PHYH: variants seen among roughly 807,000 people sequenced by gnomAD.
The protein encoded by PHYH is phytanoyl-CoA dioxygenase, peroxisomal.
Under a neutral mutation model 38.5 loss-of-function variants are expected in PHYH, and 32 were observed. The observed-to-expected ratio is 0.83, with a 90% CI of 0.63 to 1.12. The LOEUF is 1.12. PHYH is among the 50% of genes most tolerant of loss of function. The probability of loss-of-function intolerance (pLI) is 0.00; values close to 1 mark genes in which losing one functional copy is unlikely to be tolerated. For synonymous variants in PHYH, 166 were observed against 157.9 expected, an observed-to-expected ratio of 1.05 and a Z score of -0.38; for missense variants, 426 against 434.8, an observed-to-expected ratio of 0.98 and a Z score of 0.18.
rs10612459 is a variant in PHYH, at chr10:13,295,831, C to CA, written c.135-226dup. Among the ~76,000 whole-genome samples, 580 of 135,902 alleles carry CA rather than the reference C, an allele frequency of 4.3e-3. 3 individuals are homozygous for CA. The highest frequency in any genetic ancestry group is 0.012 in the African/African-American group (422 of 34,962). 89.2% of individuals were successfully genotyped at this position (135,902 alleles called of 152,430 possible). A position where few individuals can be genotyped will look rare whatever the true frequency, so the allele number is the denominator to read the frequency against. ...TGGGCGACAGAGTGAGACCCTGTCT[C>CA]AAAAAAAAAAAAAAAATTTAAATTA... is the stretch of plus-strand genomic sequence containing the variant. On this transcript the variant is annotated intron_variant, in intron 2 of 8. Coordinates refer to ENST00000263038, the MANE Select transcript of PHYH (RefSeq NM_006214.4).
chr10:13,298,223 G>A lies in PHYH; in HGVS notation c.98C>T (p.Thr33Ile). ...GAVVAHPTSG[T>I]ISSASFHPQQ... ...AGGATGGAAACTGGCAGAGGAAATA[G>A]TCCCTGAAGTGGGATGAGCTACCTA... Residue 33 changes from threonine (T) to isoleucine (I), a missense_variant, in exon 2 of 9, where the codon ACT becomes ATT. Physicochemically the swap from Thr to Ile is moderately conservative, Grantham distance 89 (BLOSUM62 -1). Transcript: ENST00000263038. 6.2e-7 allele frequency: 1 copy of A among 1,606,638 alleles called. No homozygotes were observed. Among genetic ancestry groups the A allele is most frequent in the Non-Finnish European group, 8.5e-7 (1 of 1,173,230 alleles).
intron 2 of PHYH, among the ~76,000 whole-genome samples, chr10:13,296,300 G>T (rs1223548140): frequency 4.1e-5 from 5 of 121,460 alleles, no homozygotes. Context: ...TAGTGGGCCG[G>T]GCACAGTGGC....
chr10:13,286,674 C>G (rs1478398204), intron 6 of PHYH, among the ~76,000 whole-genome samples: 2 of 146,464 alleles, frequency 1.4e-5, no homozygotes, highest in Non-Finnish European at 3.0e-5. Flanking sequence ...GCACTCCAGC[C>G]TGGTGACAGA....
chr10:13,292,711 T>C (rs1835742079), intron 4 of PHYH, among the ~76,000 whole-genome samples: 1 of 152,000 alleles, frequency 6.6e-6, no homozygotes, highest in African/African-American at 2.4e-5. Flanking sequence ...GGCGGGCGGA[T>C]CACTTGAGGT....
chr10:13,293,437 G>A (rs1835761107), intron 4 of PHYH, among the ~76,000 whole-genome samples: 1 of 152,028 alleles, frequency 6.6e-6, no homozygotes, highest in Non-Finnish European at 1.5e-5. Flanking sequence ...GAGTAGTTGG[G>A]ATTACAGGCG....
chr10:13,278,259 G>T lies in PHYH; in HGVS notation c.*42C>A. On this transcript the variant is annotated 3_prime_UTR_variant, in exon 9 of 9. Coordinates refer to ENST00000263038, the MANE Select transcript of PHYH (RefSeq NM_006214.4). ...AACATTTTCCTTAGACATTTCGTTT[G>T]GTTTTGGTTTTCTGTTGAAAGAGTT... 2.3e-6 allele frequency: 3 copies of T among 1,314,948 alleles called. No homozygotes were observed. The highest frequency in any genetic ancestry group is 3.3e-6 in the Non-Finnish European group (3 of 907,218). The allele number at this position is 1,314,948 out of a possible 1,614,324, so 81.5% of individuals were successfully genotyped here. A position where few individuals can be genotyped will look rare whatever the true frequency, so the allele number is the denominator to read the frequency against.
intron 8 of PHYH, among the ~76,000 whole-genome samples, chr10:13,279,981 G>A (rs184852184): frequency 5.5e-4 from 84 of 152,264 alleles, no homozygotes; most frequent in Non-Finnish European, 9.4e-4. Flanking sequence ...TTCTTTTGTT[G>A]TTGTTGAGAC....
At chr10:13,281,187 T>C (rs1048391865) in intron 7 of PHYH, 77 bp from the exon 8 acceptor site, 9 of 1,425,716 alleles carry the variant, frequency 6.3e-6, no homozygotes, top group Admixed American at 3.5e-5. Flanking sequence ...GTCTTTCTTT[T>C]AGAAAGTCAT....
At chr10:13,293,929 C>T (rs557175246) in intron 4 of PHYH, among the ~76,000 whole-genome samples, 16 of 151,994 alleles carry the variant, frequency 1.1e-4, no homozygotes, top group Non-Finnish European at 1.9e-4. Context: ...ACTGGCCAGG[C>T]GCAGTGACTC....
At chr10:13,296,517 T>C (rs1319702705) in intron 2 of PHYH, among the ~76,000 whole-genome samples, 5 of 143,588 alleles carry the variant, frequency 3.5e-5, no homozygotes. Flanking sequence ...GAGCCAGGAT[T>C]GCACCAGTGC....
intron 1 of PHYH, among the ~76,000 whole-genome samples, chr10:13,298,702 G>GA (rs1564430645): frequency 2.6e-5 from 3 of 117,256 alleles, no homozygotes; most frequent in Non-Finnish European, 3.7e-5. Context: ...CTCCATCTCA[G>GA]AAAAAAAACT....
Position 13,278,686 on chromosome 10 carries a change from G to A in PHYH, c.964-332C>T, listed in dbSNP as rs868695276. On this transcript the variant is annotated intron_variant, in intron 8 of 8. Transcript: ENST00000263038. ...TGGGATTACAGGTGTGCACCACCAC[G>A]CCCAGCTAACTTTTTGTATTTTCAG... 4.0e-5 allele frequency among the ~76,000 whole-genome samples: 6 copies of A among 150,956 alleles called. No individual in the cohort carries two copies. In the South Asian group the frequency reaches 1.0e-3, roughly 26 times the overall value.
intron 6 of PHYH, among the ~76,000 whole-genome samples, chr10:13,286,050 T>C (rs550940183): frequency 2.0e-4 from 30 of 152,146 alleles, no homozygotes; most frequent in Non-Finnish European, 3.8e-4. Flanking sequence ...TGGGACTACA[T>C]GCATGCGCCA....
Position 13,298,718 on chromosome 10 carries a change from C to CT in PHYH, c.76-474_76-473insA, listed in dbSNP as rs1554785619. Among the ~76,000 whole-genome samples, 579 of 93,392 alleles carry CT rather than the reference C, an allele frequency of 6.2e-3. 2 individuals are homozygous for CT. Among genetic ancestry groups the CT allele is most frequent in the East Asian group, 0.01 (29 of 2,852 alleles). The allele number at this position is 93,392 out of a possible 152,430, so 61.3% of individuals were successfully genotyped here. ...TCCATCTCAGAAAAAAAACTACCAC[C>CT]ACTACTACTACTACTACTACTACTA... On this transcript the variant is annotated intron_variant, in intron 1 of 8. Transcript: ENST00000263038.
chr10:13,285,523 C>T lies in PHYH; in HGVS notation c.679-1684G>A, dbSNP rs494216. Among the ~76,000 whole-genome samples, 1,380 of 152,026 alleles carry T rather than the reference C, an allele frequency of 9.1e-3. 35 individuals are homozygous for T. The highest frequency in any genetic ancestry group is 0.032 in the African/African-American group (1,323 of 41,470). ...TAAAACCATGTTCCTCATTTCCTATCGAACTACAACTCATTCTCCCTGCTT... is the reference window on the plus strand; with the variant it reads ...TAAAACCATGTTCCTCATTTCCTATTGAACTACAACTCATTCTCCCTGCTT... On this transcript the variant is annotated intron_variant, in intron 6 of 8. Transcript: ENST00000263038.
intron 6 of PHYH, among the ~76,000 whole-genome samples, chr10:13,287,619 G>A (rs1014184467): frequency 1.6e-4 from 25 of 151,958 alleles, no homozygotes; most frequent in Non-Finnish European, 1.0e-4. Context: ...TTCCTATATC[G>A]ACTCTTCCCT....
chr10:13,296,208 G>C (rs892186248), intron 2 of PHYH, among the ~76,000 whole-genome samples: 1 of 151,718 alleles, frequency 6.6e-6, no homozygotes, highest in East Asian at 1.9e-4. Flanking sequence ...CCTAGGAAAC[G>C]TTCATGCTCT....
intron 7 of PHYH, among the ~76,000 whole-genome samples, chr10:13,282,802 T>G (rs1564420533): frequency 6.6e-6 from 1 of 152,036 alleles, no homozygotes; most frequent in Non-Finnish European, 1.5e-5. Context: ...TTTTTTAAAT[T>G]TCGCATTAAA....
chr10:13,283,891 A>T, intron 6 of PHYH, 52 bp from the exon 7 acceptor site: 1 of 1,459,364 alleles, frequency 6.9e-7, no homozygotes, highest in Non-Finnish European at 9.6e-7. Context: ...CATAATTAAA[A>T]ACATTGTCAA....
Sources: allele counts gnomAD v4.1 joint callset (sites outside exome capture counted in the v4.1 genomes callset), GRCh38; gene constraint gnomAD v4.1.1; transcripts MANE v1.5; gene names NCBI Gene and HGNC (gene_info 2026-07-23, HGNC 2026-07-21).